Variants in MAPKBP1 observed in about 807,000 individuals in gnomAD.
MAPKBP1 encodes the protein mitogen-activated protein kinase-binding protein 1.
Under a neutral mutation model 170.5 loss-of-function variants are expected in MAPKBP1, and 71 were observed. That is an observed-to-expected ratio of 0.42 (90% confidence interval 0.34 to 0.51). The LOEUF (loss-of-function observed/expected upper bound fraction) is 0.51. Among genes scored for constraint, MAPKBP1 ranks in the 20% least tolerant of loss-of-function variants. The pLI is 0.06. For missense variants in MAPKBP1, 1,598 were observed against 1,933.0 expected, an observed-to-expected ratio of 0.83 and a Z score of 3.25; for synonymous variants, 719 against 757.9, an observed-to-expected ratio of 0.95 and a Z score of 0.84.
chr15:41,815,830 G>A (rs1850711603), intron 12 of MAPKBP1, 31 bp downstream of exon 12: 1 of 1,594,676 alleles, frequency 6.3e-7, no homozygotes, highest in Non-Finnish European at 8.6e-7. Context: ...GGTACTGACT[G>A]CCTCTCATGG....
At chr15:41,778,397 G>A (rs1394247901) in intron 2 of MAPKBP1, among the ~76,000 whole-genome samples, 1 of 152,196 alleles carries the variant, frequency 6.6e-6, no homozygotes, top group African/African-American at 2.4e-5. Flanking sequence ...TCAGTAAAGG[G>A]TTCTTAATTC....
At chr15:41,819,557 G>A (rs1596096289) in intron 21 of MAPKBP1, 38 bp from the exon 22 acceptor site, 2 of 1,384,794 alleles carry the variant, frequency 1.4e-6, no homozygotes, top group East Asian at 4.5e-5. Context: ...CGGGGGGGGG[G>A]CAGGAGACAC....
chr15:41,815,416 A>T lies in MAPKBP1; in HGVS notation c.1317+11A>T. On this transcript the variant is annotated intron_variant, in intron 11 of 30. Coordinates refer to ENST00000457542, the MANE Select transcript of MAPKBP1 (RefSeq NM_014994.3). ...AACATCCTCAGCAGTGTGAGCCCTGAGGCTGTGGGGCCCCGCTTCACCCTC... is the reference window on the plus strand; with the variant it reads ...AACATCCTCAGCAGTGTGAGCCCTGTGGCTGTGGGGCCCCGCTTCACCCTC... The T allele has an allele frequency of 6.2e-7, 1 of 1,613,546 alleles. No homozygotes were observed. The highest frequency in any genetic ancestry group is 8.5e-7 in the Non-Finnish European group (1 of 1,179,644).
At chr15:41,796,826 C>T (rs535466830) in intron 2 of MAPKBP1, among the ~76,000 whole-genome samples, 2 of 152,064 alleles carry the variant, frequency 1.3e-5, no homozygotes, top group Admixed American at 6.6e-5. Context: ...AGAGATGGTC[C>T]GTAGCAGGGT....
In MAPKBP1 at chr15:41,816,418, T is replaced by G. The variant is rs368670034; in HGVS notation, c.1494-141T>G. 705 of 610,476 alleles carry G rather than the reference T, an allele frequency of 1.2e-3. 10 individuals carry two copies. The South Asian group carries it at 0.013, about 11-fold the overall frequency. The allele number at this position is 610,476 out of a possible 1,614,324, so 37.8% of individuals were successfully genotyped here. A position where few individuals can be genotyped will look rare whatever the true frequency, so the allele number is the denominator to read the frequency against. Reference sequence around the variant, plus strand: ...AGCTGGGTAAGGGAAATATAGACGCTCTCTGTTCTTTCAGCAACTTTTCTC... The same window carrying G: ...AGCTGGGTAAGGGAAATATAGACGCGCTCTGTTCTTTCAGCAACTTTTCTC... On this transcript the variant is annotated intron_variant, in intron 12 of 30. Transcript: ENST00000457542.
At chr15:41,814,801 C>T in intron 10 of MAPKBP1, 62 bp downstream of exon 10, 1 of 1,570,670 alleles carries the variant, frequency 6.4e-7, no homozygotes, top group Non-Finnish European at 8.7e-7. Flanking sequence ...ATTTTGAGGA[C>T]AGAAAATAGG....
intron 2 of MAPKBP1, among the ~76,000 whole-genome samples, chr15:41,793,537 G>A (rs1405370541): frequency 6.6e-6 from 1 of 152,146 alleles, no homozygotes; most frequent in African/African-American, 2.4e-5. Context: ...ATTTCTAAAT[G>A]ATTTAGTAAA....
intron 10 of MAPKBP1, 47 bp from the exon 11 acceptor site, chr15:41,815,212 G>C: frequency 6.2e-7 from 1 of 1,610,150 alleles, no homozygotes; most frequent in Non-Finnish European, 8.5e-7. Flanking sequence ...GTAGGCAGAG[G>C]ACTGCTCCCG....
Position 41,820,597 on chromosome 15 carries a change from T to C in MAPKBP1, c.2482-235T>C, listed in dbSNP as rs2412639. Among the ~76,000 whole-genome samples, 118,012 of 152,128 alleles carry C rather than the reference T, an allele frequency of 0.78. 46,799 individuals are homozygous for C. The highest frequency in any genetic ancestry group is 0.88 in the Middle Eastern group (259 of 294). ...AGCATGAACTCTGGAGCCAGACTAA[T>C]CTGCAGGCCACTTACTGTCTGTGGG... On this transcript the variant is annotated intron_variant, in intron 22 of 30. Transcript: ENST00000457542.
At chr15:41,823,400 T>G in intron 28 of MAPKBP1, 47 bp from the exon 29 acceptor site, 1 of 1,570,846 alleles carries the variant, frequency 6.4e-7, no homozygotes, top group East Asian at 2.3e-5. Flanking sequence ...GCACCTGGGA[T>G]GCCTTCCTCA....
rs556383083 is a variant in MAPKBP1 at position 41,776,911 on chromosome 15, C to G, written c.114+1522C>G. Among the ~76,000 whole-genome samples, 5 of 152,330 alleles carry G rather than the reference C, an allele frequency of 3.3e-5. No homozygotes were observed. In the South Asian group the frequency reaches 1.0e-3, roughly 32 times the overall value. On this transcript the variant is annotated intron_variant, in intron 2 of 30. Coordinates refer to ENST00000457542, the MANE Select transcript of MAPKBP1 (RefSeq NM_014994.3). Reference sequence around the variant, plus strand: ...AATCAGTGATGGGTAAAACATTACCCTTGCCATCAAAGAGCTTATGGCTAG... The same window carrying G: ...AATCAGTGATGGGTAAAACATTACCGTTGCCATCAAAGAGCTTATGGCTAG...
At chr15:41,793,007 GAGGC>G (rs1476330671) in intron 2 of MAPKBP1, among the ~76,000 whole-genome samples, 28 of 152,104 alleles carry the variant, frequency 1.8e-4, no homozygotes, top group African/African-American at 6.8e-4. Flanking sequence ...ATATCCAAAT[GAGGC>G]TAGGTTTTCT....
In MAPKBP1 at chr15:41,818,157, C is replaced by T; in HGVS notation, c.1981-37C>T. 2 of 1,605,154 alleles carry T rather than the reference C, an allele frequency of 1.2e-6. No homozygotes were observed. Among genetic ancestry groups the T allele is most frequent in the Non-Finnish European group, 1.7e-6 (2 of 1,171,946 alleles). ...TGCTGGGTGGGAGGGACTGGTACTT[C>T]CCATGTCCTCCAGCTGCACACCCTG... On this transcript the variant is annotated intron_variant, in intron 17 of 30. Transcript: ENST00000457542. This position sits in a 1 kb window ranked among gnomAD's most constrained non-coding sequence, Gnocchi z 5.2.
chr15:41,797,050 A>T (rs1304212509), intron 2 of MAPKBP1, among the ~76,000 whole-genome samples: 1 of 152,198 alleles, frequency 6.6e-6, no homozygotes, highest in African/African-American at 2.4e-5. Flanking sequence ...TGTGTTTCTT[A>T]CTGTGGGTCA....
At position 41,818,703 on chromosome 15, in the gene MAPKBP1, T is replaced by C; in HGVS notation, c.2157-120T>C. ...GGGGTTAACAGGGATAGCTTTTGGCTGTGCTTGACCTGAAGTGGAGGGTGG... is the reference window on the plus strand; with the variant it reads ...GGGGTTAACAGGGATAGCTTTTGGCCGTGCTTGACCTGAAGTGGAGGGTGG... On this transcript the variant is annotated intron_variant, in intron 19 of 30. Transcript: ENST00000457542. The surrounding 1 kb of genome is among the most constrained non-coding windows in gnomAD (Gnocchi z 5.2). 6.6e-7 allele frequency: 1 copy of C among 1,520,782 alleles called. No homozygotes were observed. The allele number at this position is 1,520,782 out of a possible 1,614,324, so 94.2% of individuals were successfully genotyped here. A position where few individuals can be genotyped will look rare whatever the true frequency, so the allele number is the denominator to read the frequency against.
At position 41,818,238 on chromosome 15, in the gene MAPKBP1, T is replaced by G. The variant is rs762173892; in HGVS notation, c.2025T>G (p.Ser675=). 1.2e-6 allele frequency: 2 copies of G among 1,614,062 alleles called. No homozygotes were observed. Among genetic ancestry groups the G allele is most frequent in the African/African-American group, 2.7e-5 (2 of 74,912 alleles). The change falls in exon 18 of 31, where the codon TCT becomes TCG. Residue 675 remains serine, a synonymous_variant. Transcript: ENST00000457542. This position sits in a 1 kb window ranked among gnomAD's most constrained non-coding sequence, Gnocchi z 5.2. ...GGATCTACATTGCCACCAGCTGTTCTGACAAGAATCTCTCCATTTTTGACT... is the reference window on the plus strand; with the variant it reads ...GGATCTACATTGCCACCAGCTGTTCGGACAAGAATCTCTCCATTTTTGACT... ...PSGIYIATSC[S]DKNLSIFDFS...
At chr15:41,780,116 C>T (rs1332589281) in intron 2 of MAPKBP1, among the ~76,000 whole-genome samples, 2 of 152,216 alleles carry the variant, frequency 1.3e-5, no homozygotes, top group African/African-American at 4.8e-5. Flanking sequence ...CTCTCACCTA[C>T]TTGGCCTCAC....
In MAPKBP1 at chr15:41,784,832, G is replaced by A. The variant is rs370192002; in HGVS notation, c.114+9443G>A. On this transcript the variant is annotated intron_variant, in intron 2 of 30. Coordinates refer to ENST00000457542, the MANE Select transcript of MAPKBP1 (RefSeq NM_014994.3). ...CTGGGACTTTGGGAGACCAAGGCGA[G>A]CAGATCGTTTGAGTCCCAGAGTTCA... Among the ~76,000 whole-genome samples, 5 of 143,832 alleles carry A rather than the reference G, an allele frequency of 3.5e-5. No homozygotes were observed. The South Asian group carries it at 1.1e-3, about 32-fold the overall frequency. 94.4% of individuals were successfully genotyped at this position (143,832 alleles called of 152,430 possible).
At chr15:41,810,192 C>T (rs1027079419) in intron 3 of MAPKBP1, among the ~76,000 whole-genome samples, 2 of 152,232 alleles carry the variant, frequency 1.3e-5, no homozygotes, top group Non-Finnish European at 2.9e-5. Context: ...CCGAGGCCTG[C>T]TTTGCCCAAA....
Sources: gnomAD v4.1 joint callset for allele counts (sites outside exome capture counted in the v4.1 genomes callset) on GRCh38, gnomAD v4.1.1 for gene constraint, Gnocchi (gnomAD v3.1) non-coding constraint, MANE v1.5 for transcripts, NCBI Gene and HGNC (gene_info 2026-07-23, HGNC 2026-07-21) for gene names.